RSPO1: variants seen among roughly 807,000 people sequenced by gnomAD.
RSPO1 encodes R-spondin 1.
In RSPO1, 18 loss-of-function variants were observed where a neutral mutation model predicts 26.0. The ratio of observed to expected loss-of-function variants is 0.69; its 90% CI spans 0.48 to 1.03. The LOEUF is 1.03. RSPO1 is among the 50% of genes least tolerant of loss of function. The pLI is 0.00. For synonymous variants in RSPO1, 133 were observed against 137.4 expected (o/e 0.97, Z 0.22); for missense variants, 309 against 352.3 (o/e 0.88, Z 0.98).
At chr1:37,633,424 G>T (rs1644387933) in intron 1 of RSPO1, among the ~76,000 whole-genome samples, 1 of 152,180 alleles carries the variant, frequency 6.6e-6, no homozygotes, top group Non-Finnish European at 1.5e-5. Flanking sequence ...TCGGGGAGGG[G>T]GACACAGCTG....
At chr1:37,633,623 C>A (rs550249312) in intron 1 of RSPO1, among the ~76,000 whole-genome samples, 1 of 151,914 alleles carries the variant, frequency 6.6e-6, no homozygotes, top group African/African-American at 2.4e-5. Flanking sequence ...AGAGTTTTGG[C>A]CGCCCAGCAG....
At chr1:37,620,181 G>A (rs1570106840) in intron 3 of RSPO1, among the ~76,000 whole-genome samples, 1 of 152,286 alleles carries the variant, frequency 6.6e-6, no homozygotes, top group East Asian at 1.9e-4. Context: ...AGGTGGCATG[G>A]AAACTAAAAG....
At chr1:37,617,227 G>T (rs112453407) in intron 3 of RSPO1, among the ~76,000 whole-genome samples, 4 of 152,172 alleles carry the variant, frequency 2.6e-5, no homozygotes, top group Non-Finnish European at 5.9e-5. Context: ...GATCACACCT[G>T]GGGAAAGGGG....
At chr1:37,626,631 T>A (rs1410933096) in intron 3 of RSPO1, among the ~76,000 whole-genome samples, 1 of 151,994 alleles carries the variant, frequency 6.6e-6, no homozygotes, top group Non-Finnish European at 1.5e-5. Context: ...CAGTGAGGGA[T>A]GAGGGACTGT....
intron 3 of RSPO1, among the ~76,000 whole-genome samples, chr1:37,624,948 C>A (rs772470160): frequency 2.0e-5 from 3 of 152,174 alleles, no homozygotes; most frequent in Non-Finnish European, 4.4e-5. Flanking sequence ...CACCTGTGTG[C>A]TTTTGTTCAA....
At chr1:37,633,641 G>C (rs1018734183) in intron 1 of RSPO1, among the ~76,000 whole-genome samples, 2 of 151,238 alleles carry the variant, frequency 1.3e-5, no homozygotes, top group South Asian at 4.2e-4. Flanking sequence ...CAGGCTGGCA[G>C]GCGGGGGCAG....
rs1335502698 is a variant in RSPO1, at chr1:37,612,615, G to A, written c.*140C>T. 8.0e-6 allele frequency: 7 copies of A among 874,878 alleles called. No individual in the cohort carries two copies. In the Admixed American group the frequency reaches 8.8e-5, roughly 11 times the overall value. 54.2% of individuals were successfully genotyped at this position (874,878 alleles called of 1,614,324 possible). Reference sequence around the variant, plus strand: ...TATGTGGACAGGGGTTTGAGCGTGTGTGTCTTGTGTCTATGTATGCATGGA... The same window carrying A: ...TATGTGGACAGGGGTTTGAGCGTGTATGTCTTGTGTCTATGTATGCATGGA... On this transcript the variant is annotated 3_prime_UTR_variant, in exon 7 of 7. Transcript: ENST00000356545.
chr1:37,621,625 TGAC>T (rs1644204466), intron 3 of RSPO1, among the ~76,000 whole-genome samples: 1 of 151,690 alleles, frequency 6.6e-6, no homozygotes, highest in Admixed American at 6.6e-5. Flanking sequence ...GGTGGGAAAA[TGAC>T]GAGTAGCTAA....
At chr1:37,615,135 A>G (rs1161489902) in intron 4 of RSPO1, among the ~76,000 whole-genome samples, 1 of 151,820 alleles carries the variant, frequency 6.6e-6, no homozygotes, top group Non-Finnish European at 1.5e-5. Context: ...TGGTGTAGCC[A>G]GGAGCTCCCG....
At chr1:37,624,881 C>T (rs1644254424) in intron 3 of RSPO1, among the ~76,000 whole-genome samples, 1 of 152,210 alleles carries the variant, frequency 6.6e-6, no homozygotes, top group Admixed American at 6.5e-5. Flanking sequence ...CCCCTCAGCA[C>T]CACTCCTAAG....
At position 37,629,685 on chromosome 1, in the gene RSPO1, CTGGTCGGAGGGG is replaced by C; in HGVS notation, c.-36_-25del. On this transcript the variant is annotated 5_prime_UTR_variant, in exon 3 of 7. Transcript: ENST00000356545. ...ATAGTCACGCGCCAGCTCCAGGCCC[CTGGTCGGAGGGG>C]TGGTCTCGGGGAGGGTGGATAGCAC... 6.2e-7 allele frequency: 1 copy of C among 1,613,734 alleles called. No homozygotes were observed. The highest frequency in any genetic ancestry group is 8.5e-7 in the Non-Finnish European group (1 of 1,179,876).
intron 3 of RSPO1, among the ~76,000 whole-genome samples, chr1:37,619,480 G>A (rs1167614828): frequency 6.6e-6 from 1 of 152,244 alleles, no homozygotes; most frequent in Non-Finnish European, 1.5e-5. Flanking sequence ...GCTGGAGTGA[G>A]TCTATGCTGC....
intron 3 of RSPO1, among the ~76,000 whole-genome samples, chr1:37,625,680 C>CT (rs1188013655): frequency 0.041 from 5,706 of 137,728 alleles, 145 homozygotes; most frequent in Non-Finnish European, 0.061. Flanking sequence ...GCCCAGGATT[C>CT]TTTTTTTTTT....
chr1:37,614,024 A>G, intron 5 of RSPO1, 132 bp from the exon 6 acceptor site: 1 of 1,322,920 alleles, frequency 7.6e-7, no homozygotes, highest in Non-Finnish European at 1.1e-6. Context: ...AGGTATCTTT[A>G]GTCCAGAGGG....
intron 1 of RSPO1, among the ~76,000 whole-genome samples, chr1:37,633,697 C>T (rs1184997057): frequency 1.3e-5 from 2 of 152,192 alleles, no homozygotes; most frequent in South Asian, 2.1e-4. Flanking sequence ...CCTGTCCGAC[C>T]TGTCGGGATT....
chr1:37,614,387 C>T (rs972761731), intron 4 of RSPO1, 54 bp from the exon 5 acceptor site: 2 of 1,606,310 alleles, frequency 1.2e-6, no homozygotes, highest in African/African-American at 2.7e-5. Flanking sequence ...GAATGTTTCC[C>T]CTCATCCCCA....
chr1:37,622,532 TA>T (rs1644218294), intron 3 of RSPO1, among the ~76,000 whole-genome samples: 2 of 151,992 alleles, frequency 1.3e-5, no homozygotes, highest in Non-Finnish European at 2.9e-5. Context: ...ACCTGATAGT[TA>T]GATCTGTGGG....
intron 3 of RSPO1, among the ~76,000 whole-genome samples, chr1:37,625,680 CTTTT>C (rs1188013655): frequency 7.3e-6 from 1 of 137,816 alleles, no homozygotes. Flanking sequence ...GCCCAGGATT[CTTTT>C]TTTTTTTTTT....
chr1:37,630,097 C>G (rs563686145), intron 2 of RSPO1, 148 bp from the exon 3 acceptor site: 1 of 593,666 alleles, frequency 1.7e-6, no homozygotes, highest in East Asian at 2.8e-5. Context: ...AAATCTGCTC[C>G]TTTTCCTGTC....
Sources: allele counts gnomAD v4.1 joint callset (sites outside exome capture counted in the v4.1 genomes callset), GRCh38; gene constraint gnomAD v4.1.1; transcripts MANE v1.5; gene names NCBI Gene and HGNC (gene_info 2026-07-23, HGNC 2026-07-21).